VAV2: variants seen among roughly 807,000 people sequenced by gnomAD.
VAV2 encodes the protein vav guanine nucleotide exchange factor 2.
Under a neutral mutation model 132.5 loss-of-function variants are expected in VAV2, and 67 were observed. That is an observed-to-expected ratio of 0.51 (90% confidence interval 0.42 to 0.62). The LOEUF is 0.62. Ranked by LOEUF, VAV2 falls within the 20% of genes least tolerant of loss-of-function variation. VAV2 has a pLI of 0.00. For synonymous variants in VAV2, 492 were observed against 443.5 expected (o/e 1.11, Z -1.37); for missense variants, 938 against 1,153.6 (o/e 0.81, Z 2.71).
At position 133,768,865 on chromosome 9, in the gene VAV2, C is replaced by T. The variant is rs115269758; in HGVS notation, c.2435-269G>A. Among the ~76,000 whole-genome samples the T allele has an allele frequency of 7.6e-3, 1,163 of 152,286 alleles. 17 individuals are homozygous for T. The highest frequency in any genetic ancestry group is 0.026 in the African/African-American group (1,087 of 41,548). ...ACAAGAGCAGGTGCCCAGGCTTTGA[C>T]CATCATCATTCCAGTGGTCCCCCAA... On this transcript the variant is annotated intron_variant, in intron 28 of 29. Coordinates refer to ENST00000371850, the MANE Select transcript of VAV2 (RefSeq NM_001134398.2). The surrounding 1 kb of genome is among the most constrained non-coding windows in gnomAD (Gnocchi z 5.3).
At chr9:133,859,068 G>A (rs898391787) in intron 3 of VAV2, among the ~76,000 whole-genome samples, 2 of 152,240 alleles carry the variant, frequency 1.3e-5, no homozygotes, top group African/African-American at 4.8e-5. Context: ...GGGTTGGCTG[G>A]GTGGAGGGGC....
At chr9:133,782,764 A>C (rs1008415625) in intron 19 of VAV2, among the ~76,000 whole-genome samples, 2 of 152,204 alleles carry the variant, frequency 1.3e-5, no homozygotes, top group Non-Finnish European at 2.9e-5. Context: ...AATTGCTGAA[A>C]GTTTCAAGCC....
Position 133,834,636 on chromosome 9 carries a change from A to G in VAV2, c.381-296T>C, listed in dbSNP as rs973525375. Among the ~76,000 whole-genome samples the G allele has an allele frequency of 2.0e-5, 3 of 152,244 alleles. No individual in the cohort carries two copies. The highest frequency in any genetic ancestry group is 6.5e-5 in the Admixed American group (1 of 15,288). On this transcript the variant is annotated intron_variant, in intron 3 of 29. Transcript: ENST00000371850. This position sits in a 1 kb window ranked among gnomAD's most constrained non-coding sequence, Gnocchi z 5.9. ...GACGAGAGGCCCAGGTCAGGGCTGC[A>G]GAAAGCGTTCATCTGCTGGGCGACC...
rs1295764430 is a variant in VAV2 at position 133,834,072 on chromosome 9, G to A, written c.449+200C>T. Among the ~76,000 whole-genome samples the A allele has an allele frequency of 6.6e-6, 1 of 152,204 alleles. No individual in the cohort carries two copies. On this transcript the variant is annotated intron_variant, in intron 4 of 29. Transcript: ENST00000371850. This position sits in a 1 kb window ranked among gnomAD's most constrained non-coding sequence, Gnocchi z 5.9. ...GATATGAAGATCTGCTCATGTCTGA[G>A]GTCTCTCAGATGCATGCCTTCCCAC...
chr9:133,776,930 C>T (rs764106885), intron 23 of VAV2, among the ~76,000 whole-genome samples: 4 of 152,218 alleles, frequency 2.6e-5, no homozygotes, highest in African/African-American at 7.2e-5. Context: ...GCCGAGAATT[C>T]GCTCCATATC....
At chr9:133,953,986 G>T (rs1029761539) in intron 1 of VAV2, among the ~76,000 whole-genome samples, 4 of 151,956 alleles carry the variant, frequency 2.6e-5, no homozygotes, top group African/African-American at 9.7e-5. Flanking sequence ...CAGGCAGGTG[G>T]CTCCACATGT....
rs1837610725 is a variant in VAV2 at position 133,861,893 on chromosome 9, A to C, written c.322-461T>G. ...CCCAGAGAGGTCAAGTGACCTGCCC[A>C]AAGTCACCCAGCAGCCAGGGCACCA... is the stretch of plus-strand genomic sequence containing the variant. On this transcript the variant is annotated intron_variant, in intron 2 of 29. Coordinates refer to ENST00000371850, the MANE Select transcript of VAV2 (RefSeq NM_001134398.2). 2.0e-5 allele frequency among the ~76,000 whole-genome samples: 3 copies of C among 152,340 alleles called. No individual in the cohort carries two copies. The South Asian group carries it at 6.2e-4, about 32-fold the overall frequency.
At chr9:133,859,517 T>C (rs1181547196) in intron 3 of VAV2, among the ~76,000 whole-genome samples, 5 of 152,216 alleles carry the variant, frequency 3.3e-5, no homozygotes, top group Non-Finnish European at 5.9e-5. Context: ...TTTGGAAGAA[T>C]GTCTAATGGA....
chr9:133,803,429 G>T (rs573779139), intron 9 of VAV2, among the ~76,000 whole-genome samples: 1 of 145,896 alleles, frequency 6.9e-6, no homozygotes, highest in Non-Finnish European at 1.5e-5. Flanking sequence ...ACTCAAGGAA[G>T]CCACCAGGAG....
intron 1 of VAV2, among the ~76,000 whole-genome samples, chr9:133,972,504 C>T (rs563007167): frequency 2.6e-5 from 4 of 152,056 alleles, no homozygotes; most frequent in Non-Finnish European, 5.9e-5. Context: ...CACTCTTTGC[C>T]GCTGGCTCCC....
intron 2 of VAV2, among the ~76,000 whole-genome samples, chr9:133,908,569 C>T (rs117301688): frequency 0.028 from 4,244 of 151,870 alleles, 85 homozygotes; most frequent in Non-Finnish European, 0.042. Context: ...CCCCACAGCA[C>T]CACCTGGTAC....
rs1040535697 is a variant in VAV2, at chr9:133,918,868, TG to T, written c.321+20234del. 1.2e-4 allele frequency among the ~76,000 whole-genome samples: 18 copies of T among 151,992 alleles called. No homozygotes were observed. The highest frequency in any genetic ancestry group is 4.3e-4 in the African/African-American group (18 of 41,386). On this transcript the variant is annotated intron_variant, in intron 2 of 29. Coordinates refer to ENST00000371850, the MANE Select transcript of VAV2 (RefSeq NM_001134398.2). This position sits in a 1 kb window ranked among gnomAD's most constrained non-coding sequence, Gnocchi z 4.7. ...TCGGCTCACTGCAACCTCCGCCTCC[TG>T]GGTTCAAGCGATTCCCCTACCTCAG...
At chr9:133,819,838 A>G (rs1403066405) in intron 4 of VAV2, among the ~76,000 whole-genome samples, 2 of 152,234 alleles carry the variant, frequency 1.3e-5, no homozygotes, top group Non-Finnish European at 2.9e-5. Flanking sequence ...CATGACACAC[A>G]TATTCTAAAT....
chr9:133,817,931 G>A (rs59778917), intron 4 of VAV2, among the ~76,000 whole-genome samples: 3,653 of 152,230 alleles, frequency 0.024, 63 homozygotes, highest in East Asian at 0.049. Context: ...CAGAGAGCTG[G>A]TGAAGCGTTA....
intron 12 of VAV2, among the ~76,000 whole-genome samples, chr9:133,792,851 T>TCG (rs1196582107): frequency 1.3e-5 from 2 of 151,864 alleles, no homozygotes; most frequent in African/African-American, 4.8e-5. Context: ...GAGCCACACC[T>TCG]CGTCAGTGAT....
intron 2 of VAV2, among the ~76,000 whole-genome samples, chr9:133,882,523 G>A (rs552153621): frequency 3.3e-5 from 5 of 152,198 alleles, no homozygotes; most frequent in Middle Eastern, 3.4e-3. Context: ...TGTGACCAGG[G>A]CCCTCAAAAG....
chr9:133,897,692 T>C (rs1413500954), intron 2 of VAV2, among the ~76,000 whole-genome samples: 1 of 152,196 alleles, frequency 6.6e-6, no homozygotes. Context: ...TGCTCTTCTA[T>C]GCCTCGTTTA....
intron 12 of VAV2, among the ~76,000 whole-genome samples, chr9:133,792,632 G>C (rs3824558): frequency 0.43 from 64,053 of 149,280 alleles, 14,016 homozygotes; most frequent in South Asian, 0.5. Context: ...GTGTGAGCGT[G>C]TGTGTGCATG....
intron 1 of VAV2, among the ~76,000 whole-genome samples, chr9:133,951,490 C>A (rs1841558813): frequency 6.6e-6 from 1 of 152,312 alleles, no homozygotes; most frequent in Middle Eastern, 3.4e-3. Context: ...GCCAGGCAAC[C>A]CCAGCTGGAC....
Sources: allele counts gnomAD v4.1 joint callset (sites outside exome capture counted in the v4.1 genomes callset), GRCh38; gene constraint gnomAD v4.1.1; non-coding constraint Gnocchi (gnomAD v3.1); transcripts MANE v1.5; gene names NCBI Gene and HGNC (gene_info 2026-07-23, HGNC 2026-07-21).